The following FRMD4B variants were observed in gnomAD, a reference collection of about 807,000 sequenced individuals.
FRMD4B encodes FERM domain containing 4B, also known as FERM domain-containing protein 4B.
In FRMD4B, 74 loss-of-function variants were observed where a neutral mutation model predicts 141.5. The observed-to-expected ratio is 0.52, with a 90% CI of 0.43 to 0.63. The LOEUF (loss-of-function observed/expected upper bound fraction) is 0.63, where lower values mean the gene tolerates loss of function less well. Ranked by LOEUF, FRMD4B falls within the 30% of genes least tolerant of loss-of-function variation. The pLI is 0.00. For missense variants in FRMD4B, 1,366 were observed against 1,253.4 expected (o/e 1.09, Z -1.36); for synonymous variants, 506 against 467.9 (o/e 1.08, Z -1.05).
At chr3:69,208,624 T>A (rs1415519747) in intron 11 of FRMD4B, among the ~76,000 whole-genome samples, 1 of 152,056 alleles carries the variant, frequency 6.6e-6, no homozygotes, top group Admixed American at 6.6e-5. Context: ...ATCACCTTCC[T>A]CAGAGAGGCT....
At chr3:69,372,910 C>G (rs1011826221) in intron 1 of FRMD4B, among the ~76,000 whole-genome samples, 13 of 152,140 alleles carry the variant, frequency 8.5e-5, no homozygotes, top group African/African-American at 3.1e-4. Flanking sequence ...CATGGAGTAA[C>G]TTGCCCAGGG....
chr3:69,218,502 A>ACT, intron 9 of FRMD4B, 123 bp from the exon 10 acceptor site: 1 of 570,350 alleles, frequency 1.8e-6, no homozygotes, highest in Non-Finnish European at 3.1e-6. Context: ...AATATGTTTC[A>ACT]CTCAAGTAGA....
In FRMD4B at chr3:69,189,896, G is replaced by A. The variant is rs200578164; in HGVS notation, c.1771C>T (p.Pro591Ser). 5 of 1,579,836 alleles carry A rather than the reference G, an allele frequency of 3.2e-6. No individual in the cohort carries two copies. The highest frequency in any genetic ancestry group is 3.5e-6 in the Non-Finnish European group (4 of 1,150,050). Residue 591 changes from proline (P) to serine (S), a missense_variant and splice_region_variant, in exon 18 of 23, where the codon CCC becomes TCC. Coordinates refer to ENST00000398540, the MANE Select transcript of FRMD4B (RefSeq NM_015123.3). Reference sequence around the variant, plus strand: ...AACCAAAAAAGGAAGAGCCACTTACGATCATCATAGGTGGTGGTGTCAGAC... The same window carrying A: ...AACCAAAAAAGGAAGAGCCACTTACAATCATCATAGGTGGTGGTGTCAGAC... ...SLSDTTTYDD[P>S]SDAFTFPGQR...
chr3:69,293,066 CCT>C (rs1345168009), intron 4 of FRMD4B: 7 of 450,592 alleles, frequency 1.6e-5, no homozygotes, highest in Non-Finnish European at 3.1e-5. Context: ...ATTTCTTTTT[CCT>C]TTCTTGGTTG....
intron 4 of FRMD4B, among the ~76,000 whole-genome samples, chr3:69,298,157 T>C (rs1376997621): frequency 1.3e-5 from 2 of 152,248 alleles, no homozygotes; most frequent in Non-Finnish European, 2.9e-5. Context: ...GCAGAGTTTA[T>C]GCTACATTTC....
At chr3:69,479,844 C>A (rs1706086695) in intron 1 of FRMD4B, among the ~76,000 whole-genome samples, 1 of 152,212 alleles carries the variant, frequency 6.6e-6, no homozygotes, top group Admixed American at 6.5e-5. Flanking sequence ...TCAGGTACAG[C>A]AATCTGACGT....
intron 11 of FRMD4B, among the ~76,000 whole-genome samples, chr3:69,207,812 A>C (rs930896151): frequency 7.4e-4 from 113 of 151,928 alleles, no homozygotes; most frequent in African/African-American, 2.5e-3. Context: ...GTCTCAAAAA[A>C]AAAAAAAAGA....
At chr3:69,446,922 G>C (rs949681567) in intron 1 of FRMD4B, among the ~76,000 whole-genome samples, 6 of 152,168 alleles carry the variant, frequency 3.9e-5, no homozygotes, top group African/African-American at 1.4e-4. Flanking sequence ...TGTAGGTAGT[G>C]ACTGCTGGAA....
In FRMD4B at chr3:69,237,884, C is replaced by T. The variant is rs113214415; in HGVS notation, c.581+11342G>A. On this transcript the variant is annotated intron_variant, in intron 7 of 22. Transcript: ENST00000398540. ...TAGCTGGGATTACAGGCACGCACCACCATGCTCGGCTCATTTTTTGTATTT... is the reference window on the plus strand; with the variant it reads ...TAGCTGGGATTACAGGCACGCACCATCATGCTCGGCTCATTTTTTGTATTT... Among the ~76,000 whole-genome samples, 537 of 152,276 alleles carry T rather than the reference C, an allele frequency of 3.5e-3. 2 individuals carry two copies. The highest frequency in any genetic ancestry group is 0.012 in the African/African-American group (485 of 41,568).
intron 1 of FRMD4B, among the ~76,000 whole-genome samples, chr3:69,350,662 A>C (rs1409070711): frequency 2.0e-5 from 3 of 152,162 alleles, no homozygotes; most frequent in Admixed American, 6.5e-5. Context: ...GAATGAGTTC[A>C]TGTCCTTTGT....
At chr3:69,459,927 T>C (rs139483701) in intron 1 of FRMD4B, among the ~76,000 whole-genome samples, 51 of 152,336 alleles carry the variant, frequency 3.3e-4, no homozygotes, top group African/African-American at 1.2e-3. Context: ...TTATTTTTAT[T>C]TACTGTTTAC....
At chr3:69,472,418 G>A (rs1176446103) in intron 1 of FRMD4B, 9 of 471,460 alleles carry the variant, frequency 1.9e-5, no homozygotes, top group Admixed American at 4.4e-5. Flanking sequence ...TCACTAATAT[G>A]GCCAATAATT....
intron 7 of FRMD4B, among the ~76,000 whole-genome samples, chr3:69,227,150 TC>T (rs1159667218): frequency 1.3e-5 from 2 of 152,198 alleles, no homozygotes; most frequent in African/African-American, 4.8e-5. Flanking sequence ...ACAATCAGAA[TC>T]TACTCCAGTT....
chr3:69,266,345 G>C (rs1387074439), intron 5 of FRMD4B, among the ~76,000 whole-genome samples: 2 of 152,164 alleles, frequency 1.3e-5, no homozygotes. Flanking sequence ...GTGTGTGCGT[G>C]TGAGATGGAG....
At chr3:69,501,980 T>C (rs1452688232) in intron 1 of FRMD4B, among the ~76,000 whole-genome samples, 4 of 152,176 alleles carry the variant, frequency 2.6e-5, no homozygotes, top group African/African-American at 9.7e-5. Context: ...ACAAGGGATA[T>C]GAAGGACCTC....
chr3:69,470,561 G>GA (rs1193866560), intron 1 of FRMD4B, among the ~76,000 whole-genome samples: 1 of 152,190 alleles, frequency 6.6e-6, no homozygotes, highest in Non-Finnish European at 1.5e-5. Flanking sequence ...GGTCTTCAGA[G>GA]AAAGTTCATT....
chr3:69,288,047 T>A (rs1230686230), intron 4 of FRMD4B, among the ~76,000 whole-genome samples: 1 of 152,248 alleles, frequency 6.6e-6, no homozygotes, highest in Non-Finnish European at 1.5e-5. Context: ...GATGTTTTTG[T>A]GTCTTGGAAG....
chr3:69,516,976 C>T (rs976841181), intron 1 of FRMD4B, among the ~76,000 whole-genome samples: 1 of 152,136 alleles, frequency 6.6e-6, no homozygotes, highest in Admixed American at 6.6e-5. Flanking sequence ...TTCCATACCT[C>T]TCCTCCCTCT....
At chr3:69,341,636 G>A (rs1457146767) in intron 1 of FRMD4B, among the ~76,000 whole-genome samples, 2 of 152,164 alleles carry the variant, frequency 1.3e-5, no homozygotes, top group Non-Finnish European at 2.9e-5. Flanking sequence ...GCATTGCTAT[G>A]GTTTGTGGTC....
Sources: gnomAD v4.1 joint callset for allele counts (sites outside exome capture counted in the v4.1 genomes callset) on GRCh38, gnomAD v4.1.1 for gene constraint, MANE v1.5 for transcripts, NCBI Gene and HGNC (gene_info 2026-07-23, HGNC 2026-07-21) for gene names.